Variants in MTUS2 observed in about 807,000 individuals in gnomAD.
The protein encoded by MTUS2 is microtubule-associated tumor suppressor candidate 2.
In MTUS2, 40 loss-of-function variants were observed where a neutral mutation model predicts 114.1. That is an observed-to-expected ratio of 0.35 (90% CI 0.27 to 0.46). The LOEUF is 0.46. MTUS2 is among the 20% of genes least tolerant of loss of function. The pLI is 1.00. For missense variants in MTUS2, 1,679 were observed against 1,705.4 expected, an observed-to-expected ratio of 0.98 and a Z score of 0.27; for synonymous variants, 688 against 672.0, an observed-to-expected ratio of 1.02 and a Z score of -0.37.
chr13:29,287,918 T>G (rs1898557794), intron 6 of MTUS2, among the ~76,000 whole-genome samples: 2 of 152,188 alleles, frequency 1.3e-5, no homozygotes, highest in Admixed American at 6.5e-5. Context: ...AAACAATTAT[T>G]AAAACGTTGA....
intron 8 of MTUS2, among the ~76,000 whole-genome samples, chr13:29,427,284 G>A (rs935166528): frequency 1.3e-5 from 2 of 151,930 alleles, no homozygotes; most frequent in East Asian, 1.9e-4. Flanking sequence ...ATATGCAAAT[G>A]TGTATGTTTG....
At chr13:29,491,398 GTATA>G (rs1194251025) in intron 11 of MTUS2, among the ~76,000 whole-genome samples, 3 of 149,452 alleles carry the variant, frequency 2.0e-5, no homozygotes, top group South Asian at 2.2e-4. Context: ...GGTGTGTGTA[GTATA>G]TATATGTGGG....
At chr13:29,187,133 G>A (rs1242304217) in intron 5 of MTUS2, among the ~76,000 whole-genome samples, 1 of 151,892 alleles carries the variant, frequency 6.6e-6, no homozygotes, top group African/African-American at 2.4e-5. Flanking sequence ...GGATATACCT[G>A]TGAATGCAAA....
At chr13:29,395,960 C>G (rs534774200) in intron 8 of MTUS2, among the ~76,000 whole-genome samples, 1 of 152,272 alleles carries the variant, frequency 6.6e-6, no homozygotes, top group South Asian at 2.1e-4. Flanking sequence ...TGAAATAACA[C>G]TGAGCAAGTA....
At position 28,916,827 on chromosome 13, in the gene MTUS2, G is replaced by A. The variant is rs905187488; in HGVS notation, c.-243+76977G>A. On this transcript the variant is annotated intron_variant, in intron 2 of 15. Transcript: ENST00000612955. ...ATCCTGAGTGACAATGGTGAAAGTG[G>A]GTATCCTTGTTGCATTCCAGATCTT... Among the ~76,000 whole-genome samples, 45 of 151,436 alleles carry A rather than the reference G, an allele frequency of 3.0e-4. 1 individual carries two copies. The highest frequency in any genetic ancestry group is 1.0e-3 in the African/African-American group (43 of 41,390).
intron 9 of MTUS2, among the ~76,000 whole-genome samples, chr13:29,478,888 G>C (rs375400170): frequency 6.6e-6 from 1 of 152,194 alleles, no homozygotes; most frequent in African/African-American, 2.4e-5. Context: ...CTTCACACAA[G>C]GGCAAGGTGC....
At chr13:29,084,724 G>A (rs1040172560) in intron 4 of MTUS2, among the ~76,000 whole-genome samples, 5 of 151,646 alleles carry the variant, frequency 3.3e-5, no homozygotes, top group Admixed American at 2.6e-4. Flanking sequence ...TTTTAGTAGA[G>A]GTGGGGTTTC....
At chr13:29,204,303 C>T (rs575136012) in intron 5 of MTUS2, among the ~76,000 whole-genome samples, 1 of 152,290 alleles carries the variant, frequency 6.6e-6, no homozygotes, top group Non-Finnish European at 1.5e-5. Context: ...GCCACCCTAC[C>T]TTTTCTTTCT....
chr13:29,137,320 T>A (rs1892020800), intron 5 of MTUS2, among the ~76,000 whole-genome samples: 1 of 152,202 alleles, frequency 6.6e-6, no homozygotes, highest in African/African-American at 2.4e-5. Context: ...TTTCTTGGTG[T>A]GGGCCTCTTT....
intron 7 of MTUS2, among the ~76,000 whole-genome samples, chr13:29,341,180 T>A (rs1317370206): frequency 6.6e-6 from 1 of 152,220 alleles, no homozygotes; most frequent in Non-Finnish European, 1.5e-5. Flanking sequence ...GTGGGATTGC[T>A]GGATTAAATG....
intron 5 of MTUS2, among the ~76,000 whole-genome samples, chr13:29,116,580 A>G (rs61945864): frequency 0.17 from 25,790 of 152,158 alleles, 2,493 homozygotes; most frequent in Middle Eastern, 0.25. Context: ...AGACACAGCA[A>G]GAGATTAAGA....
chr13:28,882,645 G>A (rs1236861844), intron 2 of MTUS2, among the ~76,000 whole-genome samples: 2 of 152,134 alleles, frequency 1.3e-5, no homozygotes, highest in African/African-American at 2.4e-5. Flanking sequence ...GCTGAGGCAA[G>A]AAGCTCACTT....
intron 7 of MTUS2, among the ~76,000 whole-genome samples, chr13:29,325,508 AGAAGG>A (rs1593304857): frequency 1.3e-4 from 17 of 135,628 alleles, no homozygotes; most frequent in East Asian, 2.2e-4. Flanking sequence ...GAGGAGGAGG[AGAAGG>A]AGGAGGAGGA....
chr13:29,151,521 C>A (rs12872688), intron 5 of MTUS2, among the ~76,000 whole-genome samples: 2 of 151,916 alleles, frequency 1.3e-5, no homozygotes, highest in East Asian at 3.9e-4. Flanking sequence ...GTTTGGATGC[C>A]TTTATTTCTT....
chr13:28,861,119 T>C (rs955332016), intron 2 of MTUS2, among the ~76,000 whole-genome samples: 3 of 152,182 alleles, frequency 2.0e-5, no homozygotes, highest in Non-Finnish European at 4.4e-5. Flanking sequence ...ACAGGGGCAG[T>C]TTCCCAGTGT....
chr13:29,153,274 C>A (rs1410698396), intron 5 of MTUS2, among the ~76,000 whole-genome samples: 1 of 152,126 alleles, frequency 6.6e-6, no homozygotes, highest in Non-Finnish European at 1.5e-5. Context: ...AGAGAGACCT[C>A]AGAAGTTAAA....
chr13:29,408,836 C>T (rs903169378), intron 8 of MTUS2, among the ~76,000 whole-genome samples: 1 of 152,172 alleles, frequency 6.6e-6, no homozygotes, highest in Non-Finnish European at 1.5e-5. Flanking sequence ...TGAGTTCATA[C>T]TGAGACCTTG....
At chr13:28,829,566 G>T (rs1231924714) in intron 1 of MTUS2, among the ~76,000 whole-genome samples, 1 of 151,824 alleles carries the variant, frequency 6.6e-6, no homozygotes, top group Admixed American at 6.6e-5. Flanking sequence ...TAGCCTAGAA[G>T]CCACTGAAAG....
intron 8 of MTUS2, among the ~76,000 whole-genome samples, chr13:29,429,790 A>G (rs976782810): frequency 6.6e-6 from 1 of 152,198 alleles, no homozygotes; most frequent in Non-Finnish European, 1.5e-5. Flanking sequence ...CTATCTAGAT[A>G]GCTTGAGGTA....
Sources: allele counts gnomAD v4.1 joint callset (sites outside exome capture counted in the v4.1 genomes callset), GRCh38; gene constraint gnomAD v4.1.1; transcripts MANE v1.5; gene names NCBI Gene and HGNC (gene_info 2026-07-23, HGNC 2026-07-21).